Variants in ZNF735 observed in about 807,000 individuals in gnomAD.
ZNF735 encodes the protein zinc finger protein 735.
ZNF735 carries 11 observed loss-of-function variants against 13.4 expected under a neutral mutation model. The ratio of observed to expected loss-of-function variants is 0.82; its 90% confidence interval spans 0.52 to 1.36. ZNF735 has a LOEUF of 1.36. ZNF735 is among the 40% of genes most tolerant of loss of function. The probability of loss-of-function intolerance (pLI) is 0.00; values close to 1 mark genes in which losing one functional copy is unlikely to be tolerated. For synonymous variants in ZNF735, 171 were observed against 162.6 expected (o/e 1.05, Z -0.39); for missense variants, 500 against 484.6 (o/e 1.03, Z -0.30).
At chr7:64,214,253 T>A in intron 3 of ZNF735, 145 bp downstream of exon 3, 9 of 941,726 alleles carry the variant, frequency 9.6e-6, no homozygotes, top group East Asian at 2.9e-5. Context: ...TTTTTATTTT[T>A]TTTATTTTTT....
chr7:64,209,198 T>C (rs1787328227), intron 1 of ZNF735, among the ~76,000 whole-genome samples: 1 of 151,890 alleles, frequency 6.6e-6, no homozygotes, highest in Non-Finnish European at 1.5e-5. Context: ...AAGCATTCAA[T>C]TTCTCCACAA....
chr7:64,211,466 C>T (rs190623298), intron 1 of ZNF735, among the ~76,000 whole-genome samples: 57 of 152,278 alleles, frequency 3.7e-4, no homozygotes, highest in African/African-American at 1.3e-3. Flanking sequence ...GAGATACTTG[C>T]TCTCCAGGGT....
chr7:64,215,424 T>A (rs1250570708), intron 3 of ZNF735, among the ~76,000 whole-genome samples: 1 of 152,196 alleles, frequency 6.6e-6, no homozygotes, highest in Non-Finnish European at 1.5e-5. Flanking sequence ...GTTTATATAT[T>A]TTCAATATTA....
At chr7:64,220,035 A>G in exon 4 of ZNF735, 1 of 1,612,766 alleles carries the variant, frequency 6.2e-7, no homozygotes, top group South Asian at 1.1e-5. Flanking sequence ...ACACATGTGA[A>G]GAATGTGGCA....
chr7:64,210,772 A>G (rs987087589), intron 1 of ZNF735, among the ~76,000 whole-genome samples: 11 of 152,168 alleles, frequency 7.2e-5, no homozygotes, highest in African/African-American at 2.4e-4. Context: ...AATCTTTTCA[A>G]TTATACACAA....
exon 2 of ZNF735, chr7:64,213,217 G>C (rs749282296): frequency 6.3e-7 from 1 of 1,597,024 alleles, no homozygotes; most frequent in Non-Finnish European, 8.5e-7. Flanking sequence ...TGTTCTCCCT[G>C]GGTGAGGTTA....
At chr7:64,214,159 AAGGAGGTAGCC>A (rs1465908651) in intron 3 of ZNF735, 51 bp downstream of exon 3, 1 of 1,575,152 alleles carries the variant, frequency 6.3e-7, no homozygotes, top group Non-Finnish European at 8.6e-7. Context: ...TCCACAAGTC[AAGGAGGTAGCC>A]AGTCTTTAAA....
At chr7:64,210,363 T>C (rs941739080) in intron 1 of ZNF735, among the ~76,000 whole-genome samples, 4 of 152,170 alleles carry the variant, frequency 2.6e-5, no homozygotes, top group African/African-American at 9.7e-5. Flanking sequence ...ACAAATTTGG[T>C]GGGTGTAAGG....
chr7:64,219,771 C>A (rs779590964), exon 4 of ZNF735: 302 of 1,610,926 alleles, frequency 1.9e-4, no homozygotes, highest in Non-Finnish European at 1.6e-5. Context: ...GAGAGAAACC[C>A]TACAGATGTG....
At chr7:64,213,972 A>T in intron 2 of ZNF735, 41 bp from the exon 3 acceptor site, 1 of 1,505,390 alleles carries the variant, frequency 6.6e-7, no homozygotes, top group South Asian at 1.2e-5. Flanking sequence ...AAATAAATAA[A>T]TAAATAAGAT....
At chr7:64,219,432 A>G (rs1562834065) in exon 4 of ZNF735, 1 of 1,613,990 alleles carries the variant, frequency 6.2e-7, no homozygotes, top group South Asian at 1.1e-5. Flanking sequence ...AATTAAAAAA[A>G]TGTTGTAAAA....
intron 1 of ZNF735, among the ~76,000 whole-genome samples, chr7:64,212,354 A>G (rs1416137506): frequency 6.6e-6 from 1 of 152,176 alleles, no homozygotes; most frequent in East Asian, 1.9e-4. Flanking sequence ...CTTTATCCCA[A>G]ATCTCCTGAA....
chr7:64,216,758 G>A (rs972020753), intron 3 of ZNF735, among the ~76,000 whole-genome samples: 6 of 151,824 alleles, frequency 4.0e-5, no homozygotes, highest in Admixed American at 2.0e-4. Flanking sequence ...GACCTACCCC[G>A]ACCATACCCA....
chr7:64,214,082 G>A, exon 3 of ZNF735: 1 of 1,600,630 alleles, frequency 6.2e-7, no homozygotes, highest in African/African-American at 1.3e-5. Context: ...AATATAAAGA[G>A]AAATGAGATG....
intron 1 of ZNF735, among the ~76,000 whole-genome samples, chr7:64,211,632 G>A (rs1787361110): frequency 6.6e-6 from 1 of 151,828 alleles, no homozygotes; most frequent in African/African-American, 2.4e-5. Context: ...GGGAGGCTGG[G>A]GCAGGCAGAT....
Position 64,207,378 on chromosome 7 carries a change from G to A in ZNF735, c.39+137G>A, listed in dbSNP as rs754557978. 1,163 of 1,538,418 alleles carry A rather than the reference G, an allele frequency of 7.6e-4. 20 individuals are homozygous for A. Among genetic ancestry groups the A allele is most frequent in the Non-Finnish European group, 1.4e-4 (158 of 1,123,262 alleles). ...CCCAAATCCTCCTTGGCCCAGTTCG[G>A]CTGTTAGCCCCCTCCAGCCCTAAGA... On this transcript the variant is annotated intron_variant, in intron 1 of 3. Coordinates refer to ENST00000429565, the Ensembl canonical transcript of ZNF735.
chr7:64,208,244 G>GTTTTTTTTTTTTTT lies in ZNF735; in HGVS notation c.39+1020_39+1033dup, dbSNP rs71060562. ...TTCAAGATAGTAATCTCCAATAAATGTTTTTTTTTTTTTTTTTTTTTTTTT... is the reference window on the plus strand; with the variant it reads ...TTCAAGATAGTAATCTCCAATAAATGTTTTTTTTTTTTTTTTTTTTTTTTTTTTTTTTTTTTTTT... On this transcript the variant is annotated intron_variant, in intron 1 of 3. Transcript: ENST00000429565. Among the ~76,000 whole-genome samples the GTTTTTTTTTTTTTT allele has an allele frequency of 5.4e-5, 5 of 93,094 alleles. 2 individuals are homozygous for GTTTTTTTTTTTTTT. The highest frequency in any genetic ancestry group is 2.1e-4 in the African/African-American group (5 of 24,078). The allele number at this position is 93,094 out of a possible 152,430, so 61.1% of individuals were successfully genotyped here.
chr7:64,207,286 TGGAACCG>T, intron 1 of ZNF735, 45 bp downstream of exon 1: 1 of 1,614,134 alleles, frequency 6.2e-7, no homozygotes, highest in Non-Finnish European at 8.5e-7. Flanking sequence ...GGGAGGTGGT[TGGAACCG>T]GCTGAAAGTG....
At chr7:64,208,282 G>C in intron 1 of ZNF735, among the ~76,000 whole-genome samples, 1 of 124,210 alleles carries the variant, frequency 8.1e-6, no homozygotes, top group Admixed American at 9.0e-5. Context: ...TTTGGAGAGG[G>C]AGTCTCACTC....
Sources: allele counts gnomAD v4.1 joint callset (sites outside exome capture counted in the v4.1 genomes callset), GRCh38; gene constraint gnomAD v4.1.1; transcripts MANE v1.5; gene names NCBI Gene and HGNC (gene_info 2026-07-23, HGNC 2026-07-21).